Variants in CHN2 observed in about 807,000 individuals in gnomAD.
CHN2 encodes chimerin 2, also known as beta-chimaerin.
In CHN2, 35 loss-of-function variants were observed where a neutral mutation model predicts 56.3. That is an observed-to-expected ratio of 0.62 (90% CI 0.47 to 0.82). The LOEUF is 0.82. CHN2 is among the 40% of genes least tolerant of loss of function. The probability of loss-of-function intolerance (pLI) is 0.00; values close to 1 mark genes in which losing one functional copy is unlikely to be tolerated. For synonymous variants in CHN2, 210 were observed against 212.8 expected (o/e 0.99, Z 0.12); for missense variants, 491 against 580.5 (o/e 0.85, Z 1.58).
intron 1 of CHN2, among the ~76,000 whole-genome samples, chr7:29,324,327 C>T (rs1795627887): frequency 6.6e-6 from 1 of 152,168 alleles, no homozygotes; most frequent in South Asian, 2.1e-4. Context: ...GCCTGATGGC[C>T]TCCCATTAGC....
intron 1 of CHN2, among the ~76,000 whole-genome samples, chr7:29,234,516 T>G (rs1437528116): frequency 6.6e-6 from 1 of 152,190 alleles, no homozygotes; most frequent in Non-Finnish European, 1.5e-5. Flanking sequence ...TTTTAAAGGC[T>G]CAGTCAGTGG....
chr7:29,405,161 C>CACACA (rs1554287645), intron 6 of CHN2, among the ~76,000 whole-genome samples: 1 of 49,810 alleles, frequency 2.0e-5, no homozygotes, highest in African/African-American at 6.0e-5. Flanking sequence ...GCTTATGTCA[C>CACACA]CATACACACA....
intron 1 of CHN2, among the ~76,000 whole-genome samples, chr7:29,239,395 A>G (rs1011235097): frequency 6.6e-6 from 1 of 152,220 alleles, no homozygotes; most frequent in Admixed American, 6.5e-5. Context: ...CTATAGTTCC[A>G]CTGGGACATG....
Position 29,253,922 on chromosome 7 carries a change from C to A in CHN2, c.49+58932C>A, listed in dbSNP as rs536390888. 3.3e-5 allele frequency among the ~76,000 whole-genome samples: 5 copies of A among 150,882 alleles called. No individual in the cohort carries two copies. The South Asian group carries it at 8.4e-4, about 25-fold the overall frequency. Reference sequence around the variant, plus strand: ...AATGTAGCTATTTTTTTTTTCTTTTCGAGACGGAGTCTTGCTCTGTCGCCC... The same window carrying A: ...AATGTAGCTATTTTTTTTTTCTTTTAGAGACGGAGTCTTGCTCTGTCGCCC... On this transcript the variant is annotated intron_variant, in intron 1 of 12. Coordinates refer to ENST00000222792, the MANE Select transcript of CHN2 (RefSeq NM_004067.4).
chr7:29,493,200 AT>A (rs1788849220), intron 7 of CHN2, among the ~76,000 whole-genome samples: 1 of 152,090 alleles, frequency 6.6e-6, no homozygotes, highest in African/African-American at 2.4e-5. Flanking sequence ...TGCCTACAGT[AT>A]TTAGTAAAGT....
intron 10 of CHN2, among the ~76,000 whole-genome samples, chr7:29,506,058 A>G (rs1197441500): frequency 6.6e-6 from 1 of 152,224 alleles, no homozygotes; most frequent in African/African-American, 2.4e-5. Flanking sequence ...TATGATTAAA[A>G]CATTTTTATC....
At chr7:29,212,670 A>T (rs1163253891) in intron 1 of CHN2, 21 of 1,469,632 alleles carry the variant, frequency 1.4e-5, no homozygotes, top group Non-Finnish European at 1.8e-5. Context: ...AGCCTCCAGC[A>T]GATGCAAGAA....
chr7:29,331,888 T>G (rs888410497), intron 1 of CHN2, among the ~76,000 whole-genome samples: 5 of 151,970 alleles, frequency 3.3e-5, no homozygotes, highest in Admixed American at 6.6e-5. Flanking sequence ...GGCACGTGCC[T>G]GTAATCCCAG....
Position 29,266,934 on chromosome 7 carries a change from A to G in CHN2, c.49+71944A>G, listed in dbSNP as rs140577525. Among the ~76,000 whole-genome samples, 1,045 of 131,436 alleles carry G rather than the reference A, an allele frequency of 8.0e-3. 3 individuals carry two copies. The highest frequency in any genetic ancestry group is 0.031 in the Middle Eastern group (8 of 254). 86.2% of individuals were successfully genotyped at this position (131,436 alleles called of 152,430 possible). A position where few individuals can be genotyped will look rare whatever the true frequency, so the allele number is the denominator to read the frequency against. ...TTTGGAAGAGCACAGATGAAGTGCA[A>G]TTGGCCCTTCTCCCTCCTCAAGGTG... On this transcript the variant is annotated intron_variant, in intron 1 of 12. Transcript: ENST00000222792.
intron 3 of CHN2, among the ~76,000 whole-genome samples, chr7:29,393,029 A>G (rs79721616): frequency 0.043 from 6,494 of 152,270 alleles, 476 homozygotes; most frequent in African/African-American, 0.14. Context: ...GCAGATGATC[A>G]TGTATGTGAG....
chr7:29,181,028 A>G (rs1382285999), intron 2 of CHN2, among the ~76,000 whole-genome samples: 2 of 152,272 alleles, frequency 1.3e-5, no homozygotes, highest in Admixed American at 1.3e-4. Context: ...ACTAGTAGAC[A>G]TAAGCAAAAA....
chr7:29,476,485 C>T (rs1216466896), intron 6 of CHN2, among the ~76,000 whole-genome samples: 7 of 150,496 alleles, frequency 4.7e-5, no homozygotes, highest in African/African-American at 1.7e-4. Context: ...TGCAGTGAGC[C>T]GAGATCGCGC....
chr7:29,352,931 T>C lies in CHN2; in HGVS notation c.50-1694T>C, dbSNP rs1797996203. 2.6e-5 allele frequency among the ~76,000 whole-genome samples: 4 copies of C among 152,330 alleles called. No homozygotes were observed. The South Asian group carries it at 6.2e-4, about 24-fold the overall frequency. ...TGTGTCACCTAAGGGATGAAATTAA[T>C]TGGTTGTTTGGGTTAAAGCCTTGCT... is the stretch of plus-strand genomic sequence containing the variant. On this transcript the variant is annotated intron_variant, in intron 1 of 12. Coordinates refer to ENST00000222792, the MANE Select transcript of CHN2 (RefSeq NM_004067.4).
chr7:29,264,527 C>T (rs889493399), intron 1 of CHN2, among the ~76,000 whole-genome samples: 8 of 152,208 alleles, frequency 5.3e-5, no homozygotes, highest in African/African-American at 1.9e-4. Context: ...ACCCCGTGCT[C>T]TCTGAAACAT....
intron 1 of CHN2, among the ~76,000 whole-genome samples, chr7:29,349,355 T>C (rs1019787614): frequency 6.6e-6 from 1 of 152,212 alleles, no homozygotes; most frequent in African/African-American, 2.4e-5. Flanking sequence ...TGTTGGGTGA[T>C]ATTATTACTC....
chr7:29,433,515 C>T (rs1025615446), intron 6 of CHN2, among the ~76,000 whole-genome samples: 1 of 152,094 alleles, frequency 6.6e-6, no homozygotes, highest in Non-Finnish European at 1.5e-5. Flanking sequence ...CGTGGACAAA[C>T]CTAGATGTAG....
chr7:29,215,258 C>T (rs71539590), intron 1 of CHN2, among the ~76,000 whole-genome samples: 20,138 of 152,138 alleles, frequency 0.13, 1,689 homozygotes, highest in Non-Finnish European at 0.19. Context: ...AAGTTCTGCA[C>T]GGGGAGTCTT....
At chr7:29,157,072 C>T (rs932153031) in intron 2 of CHN2, among the ~76,000 whole-genome samples, 24 of 152,138 alleles carry the variant, frequency 1.6e-4, no homozygotes, top group Non-Finnish European at 2.5e-4. Flanking sequence ...CTAGCTGCAC[C>T]GACAAATTGT....
intron 8 of CHN2, among the ~76,000 whole-genome samples, chr7:29,498,746 A>C (rs1415987091): frequency 1.4e-5 from 2 of 141,182 alleles, no homozygotes; most frequent in Non-Finnish European, 3.0e-5. Flanking sequence ...AGCAGAATGT[A>C]GACTATGCTG....
Sources: gnomAD v4.1 joint callset for allele counts (sites outside exome capture counted in the v4.1 genomes callset) on GRCh38, gnomAD v4.1.1 for gene constraint, MANE v1.5 for transcripts, NCBI Gene and HGNC (gene_info 2026-07-23, HGNC 2026-07-21) for gene names.